Variants in PNPLA3 observed in about 807,000 individuals in gnomAD.
The protein encoded by PNPLA3 is 1-acylglycerol-3-phosphate O-acyltransferase PNPLA3.
Under a neutral mutation model 43.1 loss-of-function variants are expected in PNPLA3, and 42 were observed. The observed-to-expected ratio is 0.97, with a 90% CI of 0.76 to 1.26. PNPLA3 has a LOEUF of 1.26. Ranked by LOEUF, PNPLA3 falls within the 50% of genes most tolerant of loss-of-function variation. The pLI is 0.00. For synonymous variants in PNPLA3, 272 were observed against 253.6 expected (o/e 1.07, Z -0.69); for missense variants, 647 against 621.4 (o/e 1.04, Z -0.44).
At chr22:43,931,944 G>A (rs999408271) in intron 3 of PNPLA3, among the ~76,000 whole-genome samples, 1 of 152,210 alleles carries the variant, frequency 6.6e-6, no homozygotes, top group Non-Finnish European at 1.5e-5. Flanking sequence ...GCTAAGGTGT[G>A]GCTGAACATG....
At chr22:43,936,928 C>A in intron 5 of PNPLA3, 123 bp from the exon 6 acceptor site, 2 of 735,894 alleles carry the variant, frequency 2.7e-6, no homozygotes, top group Non-Finnish European at 4.6e-6. Context: ...CCCTTCCCCT[C>A]TTCCCCTTGC....
intron 7 of PNPLA3, among the ~76,000 whole-genome samples, chr22:43,943,657 C>G (rs571338167): frequency 6.6e-6 from 1 of 152,340 alleles, no homozygotes; most frequent in South Asian, 2.1e-4. Context: ...GGGATTTTCT[C>G]TGTGCCACAC....
chr22:43,928,810 C>A lies in PNPLA3; in HGVS notation c.421-14C>A, dbSNP rs1388963504. 1 of 1,603,496 alleles carries A rather than the reference C, an allele frequency of 6.2e-7. No individual in the cohort carries two copies. Among genetic ancestry groups the A allele is most frequent in the Admixed American group, 1.7e-5 (1 of 59,926 alleles). ...TGCTCTCGCCTATAACTTCTCTCTC[C>A]TTTGCTTTCACAGGCCTTGGTATGT... is the stretch of plus-strand genomic sequence containing the variant. On this transcript the variant is annotated splice_polypyrimidine_tract_variant and intron_variant, in intron 2 of 8. Transcript: ENST00000216180.
intron 7 of PNPLA3, among the ~76,000 whole-genome samples, chr22:43,940,675 G>A (rs1488537047): frequency 6.6e-6 from 1 of 151,946 alleles, no homozygotes; most frequent in Non-Finnish European, 1.5e-5. Context: ...GGAGCATGGT[G>A]GCACGTGCCT....
intron 7 of PNPLA3, among the ~76,000 whole-genome samples, chr22:43,941,009 C>T (rs1237269336): frequency 6.6e-6 from 1 of 151,718 alleles, no homozygotes; most frequent in Non-Finnish European, 1.5e-5. Flanking sequence ...CATGGTGGTG[C>T]ATGCCTGTAA....
At position 43,924,047 on chromosome 22, in the gene PNPLA3, G is replaced by T. The variant is rs1339952258; in HGVS notation, c.136G>T (p.Ala46Ser). 1.3e-6 allele frequency: 2 copies of T among 1,579,890 alleles called. No homozygotes were observed. Among genetic ancestry groups the T allele is most frequent in the East Asian group, 2.4e-5 (1 of 42,302 alleles). ...CCGCGACGCGCGCATGTTGTTCGGC[G>T]CTTCGGCCGGGGCGTTGCACTGCGT... The part of the protein sequence containing the change: ...LLRDARMLFG[A>S]SAGALHCVGV... Residue 46 changes from alanine (A) to serine (S), a missense_variant, in exon 1 of 9, where the codon GCT becomes TCT. By Grantham distance (99) the Ala-to-Ser change is moderately conservative (BLOSUM62 1). Transcript: ENST00000216180.
intron 5 of PNPLA3, among the ~76,000 whole-genome samples, chr22:43,935,219 G>A (rs2049987442): frequency 1.3e-5 from 2 of 152,126 alleles, no homozygotes; most frequent in Admixed American, 1.3e-4. Flanking sequence ...TGTGTTGGGA[G>A]CTATTTTTCT....
intron 5 of PNPLA3, 134 bp downstream of exon 5, chr22:43,934,800 T>G (rs893016039): frequency 2.5e-6 from 2 of 810,848 alleles, no homozygotes; most frequent in Non-Finnish European, 4.1e-6. Context: ...AACCTACTCA[T>G]GAGCCCAGGA....
chr22:43,927,801 G>T lies in PNPLA3; in HGVS notation c.420+634G>T, dbSNP rs1182803042. Among the ~76,000 whole-genome samples the T allele has an allele frequency of 3.3e-5, 5 of 152,278 alleles. No individual in the cohort carries two copies. In the East Asian group the frequency reaches 9.7e-4, roughly 29 times the overall value. On this transcript the variant is annotated intron_variant, in intron 2 of 8. Coordinates refer to ENST00000216180, the MANE Select transcript of PNPLA3 (RefSeq NM_025225.3). The stretch of plus-strand genomic sequence containing the variant: ...TGTTTGTACTTTTTGTAGAGACGGG[G>T]TTTTGCCCTGTTGCCCAGGCTGGTC...
chr22:43,934,652 T>A lies in PNPLA3; in HGVS notation c.743T>A (p.Phe248Tyr). ...CGAGGATATTTGGATGCATTCAGGT[T>A]CTTGGAAGAGAAGGGTATGTATGGG... Reference protein sequence around the residue: ...CLRGYLDAFRFLEEKGICNRP... With the variant: ...CLRGYLDAFRYLEEKGICNRP... Residue 248 changes from phenylalanine (F) to tyrosine (Y), a missense_variant, in exon 5 of 9, where the codon TTC becomes TAC. Coordinates refer to ENST00000216180, the MANE Select transcript of PNPLA3 (RefSeq NM_025225.3). The A allele has an allele frequency of 6.2e-7, 1 of 1,613,556 alleles. No individual in the cohort carries two copies. The highest frequency in any genetic ancestry group is 1.1e-5 in the South Asian group (1 of 91,068).
intron 8 of PNPLA3, among the ~76,000 whole-genome samples, chr22:43,945,114 G>A (rs2050054631): frequency 6.6e-6 from 1 of 152,240 alleles, no homozygotes; most frequent in African/African-American, 2.4e-5. Flanking sequence ...GAGTGGCTGG[G>A]ATGAGGACTG....
chr22:43,941,032 C>T (rs752660869), intron 7 of PNPLA3, among the ~76,000 whole-genome samples: 23 of 150,980 alleles, frequency 1.5e-4, no homozygotes, highest in Middle Eastern at 3.5e-3. Flanking sequence ...CCAGCTACTC[C>T]GGAGGCTAAG....
At position 43,928,692 on chromosome 22, in the gene PNPLA3, A is replaced by G. The variant is rs973089391; in HGVS notation, c.421-132A>G. The G allele has an allele frequency of 1.8e-5, 7 of 394,864 alleles. 1 individual carries two copies. The highest frequency in any genetic ancestry group is 6.4e-5 in the Admixed American group (2 of 31,342). The allele number at this position is 394,864 out of a possible 1,614,324, so 24.5% of individuals were successfully genotyped here. A position where few individuals can be genotyped will look rare whatever the true frequency, so the allele number is the denominator to read the frequency against. On this transcript the variant is annotated intron_variant, in intron 2 of 8. Coordinates refer to ENST00000216180, the MANE Select transcript of PNPLA3 (RefSeq NM_025225.3). ...TGTTAGTTCCCCGTTCTTTTGACCC[A>G]TGGATTAACCTACTCTGTGCAAAGG...
In PNPLA3 at chr22:43,946,795, T is replaced by C. The variant is rs779699624; in HGVS notation, c.*413T>C. On this transcript the variant is annotated 3_prime_UTR_variant, in exon 9 of 9. Transcript: ENST00000216180. ...GGGTGGAGGGAAGAGAATAGCATGA[T>C]CCCACTTCCCCATGCTGTGGGAAGG... is the stretch of plus-strand genomic sequence containing the variant. The C allele has an allele frequency of 5.8e-6, 3 of 515,536 alleles. No homozygotes were observed. Among genetic ancestry groups the C allele is most frequent in the African/African-American group, 5.8e-5 (3 of 51,850 alleles). 31.9% of individuals were successfully genotyped at this position (515,536 alleles called of 1,614,324 possible).
chr22:43,924,293 C>T (rs969561607), intron 1 of PNPLA3, 195 bp downstream of exon 1: 30 of 665,422 alleles, frequency 4.5e-5, no homozygotes, highest in Middle Eastern at 8.5e-4. Flanking sequence ...GGGAAGGGGG[C>T]GTTGGAACCC....
intron 1 of PNPLA3, 79 bp from the exon 2 acceptor site, chr22:43,926,856 T>TG: frequency 8.3e-7 from 1 of 1,210,114 alleles, no homozygotes; most frequent in African/African-American, 1.5e-5. Context: ...GCATCCTTGC[T>TG]GTCTGGTTTC....
At chr22:43,936,620 G>A (rs1054785548) in intron 5 of PNPLA3, among the ~76,000 whole-genome samples, 3 of 152,192 alleles carry the variant, frequency 2.0e-5, no homozygotes, top group South Asian at 2.1e-4. Context: ...TATTGGCTGC[G>A]TGGCTTTAGA....
Position 43,937,249 on chromosome 22 carries a change from C to A in PNPLA3, c.956C>A (p.Thr319Asn). The change falls in exon 6 of 9, where the codon ACC becomes AAC. Residue 319 changes from threonine to asparagine, a missense_variant. By Grantham distance (65) the Thr-to-Asn change is moderately conservative (BLOSUM62 0). Coordinates refer to ENST00000216180, the MANE Select transcript of PNPLA3 (RefSeq NM_025225.3). Reference protein sequence around the residue: ...ILPWDESILDTLSPRLATALS... With the variant: ...ILPWDESILDNLSPRLATALS... The stretch of plus-strand genomic sequence containing the variant: ...CCCTGGGATGAGAGCATCCTGGACA[C>A]CCTCTCGCCCAGGCTCGCTACAGGT... 1 of 1,614,038 alleles carries A rather than the reference C, an allele frequency of 6.2e-7. No homozygotes were observed. The highest frequency in any genetic ancestry group is 2.2e-5 in the East Asian group (1 of 44,878).
rs763934298 is a variant in PNPLA3 at position 43,934,671 on chromosome 22, G to A, written c.757+5G>A. 13 of 1,609,802 alleles carry A rather than the reference G, an allele frequency of 8.1e-6. No homozygotes were observed. The highest frequency in any genetic ancestry group is 1.0e-5 in the Non-Finnish European group (12 of 1,176,066). On this transcript the variant is annotated splice_donor_5th_base_variant and intron_variant, in intron 5 of 8. Coordinates refer to ENST00000216180, the MANE Select transcript of PNPLA3 (RefSeq NM_025225.3). Reference sequence around the variant, plus strand: ...TCAGGTTCTTGGAAGAGAAGGGTATGTATGGGCTGGGAGGATCAGCCATGC... The same window carrying A: ...TCAGGTTCTTGGAAGAGAAGGGTATATATGGGCTGGGAGGATCAGCCATGC...
Sources: allele counts gnomAD v4.1 joint callset (sites outside exome capture counted in the v4.1 genomes callset), GRCh38; gene constraint gnomAD v4.1.1; transcripts MANE v1.5; gene names NCBI Gene and HGNC (gene_info 2026-07-23, HGNC 2026-07-21).